PIWIL1: variants seen among roughly 807,000 people sequenced by gnomAD.
PIWIL1 encodes piwi-like protein 1.
In PIWIL1, 73 loss-of-function variants were observed where a neutral mutation model predicts 114.4. The ratio of observed to expected loss-of-function variants is 0.64; its 90% CI spans 0.53 to 0.78. The LOEUF is 0.78. Among genes scored for constraint, PIWIL1 ranks in the 30% least tolerant of loss-of-function variants. PIWIL1 has a pLI of 0.00. For missense variants in PIWIL1, 723 were observed against 1,063.1 expected (o/e 0.68, Z 4.45); for synonymous variants, 375 against 369.0 (o/e 1.02, Z -0.19).
At chr12:130,374,437 A>T (rs1195080141), downstream of PIWIL1, among the ~76,000 whole-genome samples, 3 of 152,248 alleles carry the variant, frequency 2.0e-5, no homozygotes, top group Admixed American at 6.5e-5. Context: ...CTACCCAATG[A>T]TTTTAAAAAT....
chr12:130,354,864 T>C (rs372705871), intron 10 of PIWIL1, 24 bp from the exon 11 acceptor site: 7 of 1,504,892 alleles, frequency 4.7e-6, no homozygotes, highest in Non-Finnish European at 6.5e-6. Context: ...TTTAACCATA[T>C]GCCTTTAAAT....
the PIWIL1 span, among the ~76,000 whole-genome samples, chr12:130,409,508 AATTTTTTTGT>A: frequency 1.3e-5 from 2 of 151,706 alleles, no homozygotes; most frequent in East Asian, 3.9e-4. Context: ...ACGCCCGGCT[AATTTTTTTGT>A]ATTTTTTTGT....
chr12:130,395,880 T>C, the PIWIL1 span, among the ~76,000 whole-genome samples: 1 of 152,198 alleles, frequency 6.6e-6, no homozygotes, highest in Non-Finnish European at 1.5e-5. Context: ...AATTTGTGTT[T>C]GAATTCATCC....
At chr12:130,385,218 C>T in the PIWIL1 span, among the ~76,000 whole-genome samples, 3 of 152,324 alleles carry the variant, frequency 2.0e-5, no homozygotes, top group East Asian at 5.8e-4. Flanking sequence ...GTCCACAGTG[C>T]TGCAGATTTA....
chr12:130,345,551 G>A (rs2073047059), intron 3 of PIWIL1: 1 of 525,344 alleles, frequency 1.9e-6, no homozygotes, highest in African/African-American at 1.9e-5. Context: ...CAGTGACAAG[G>A]CCTTTATGAA....
At chr12:130,412,802 G>A in the PIWIL1 span, 16 of 1,602,926 alleles carry the variant, frequency 1.0e-5, no homozygotes, top group South Asian at 1.7e-4. Context: ...AGCCAAGGGG[G>A]AAAATAAATC....
At chr12:130,398,174 A>G in the PIWIL1 span, 1 of 152,416 alleles carries the variant, frequency 6.6e-6, no homozygotes, top group Non-Finnish European at 1.5e-5. Flanking sequence ...TAGTATTTAA[A>G]TATACGTTAA....
At chr12:130,386,389 C>T in the PIWIL1 span, among the ~76,000 whole-genome samples, 1 of 151,906 alleles carries the variant, frequency 6.6e-6, no homozygotes, top group Non-Finnish European at 1.5e-5. Flanking sequence ...CAATAGCCAC[C>T]GTTCACCCAT....
At chr12:130,345,464 C>T in intron 3 of PIWIL1, 2 of 287,768 alleles carry the variant, frequency 7.0e-6, no homozygotes, top group Non-Finnish European at 1.3e-5. Flanking sequence ...TGCACTCTTG[C>T]ACCACAGTCC....
the PIWIL1 span, among the ~76,000 whole-genome samples, chr12:130,394,311 A>T: frequency 6.6e-6 from 1 of 152,242 alleles, no homozygotes; most frequent in South Asian, 2.1e-4. Context: ...GCCAGCTGGC[A>T]GCACAAGGGC....
At chr12:130,408,665 G>C in the PIWIL1 span, among the ~76,000 whole-genome samples, 2 of 152,202 alleles carry the variant, frequency 1.3e-5, no homozygotes, top group African/African-American at 2.4e-5. Context: ...GCCCAATCAC[G>C]AAACCCCTGT....
chr12:130,364,607 A>G (rs371396657), intron 18 of PIWIL1, among the ~76,000 whole-genome samples: 1 of 152,202 alleles, frequency 6.6e-6, no homozygotes, highest in East Asian at 1.9e-4. Flanking sequence ...GTTCTTTCCT[A>G]TTCCCTTAAG....
the PIWIL1 span, among the ~76,000 whole-genome samples, chr12:130,392,527 A>G: frequency 8.7e-4 from 8 of 9,176 alleles, 1 homozygote; most frequent in Non-Finnish European, 1.6e-3. Context: ...AATATTGAAT[A>G]TTGTGATGAC....
At chr12:130,346,626 C>T in intron 5 of PIWIL1, 42 bp downstream of exon 5, 1 of 1,466,264 alleles carries the variant, frequency 6.8e-7, no homozygotes, top group Non-Finnish European at 9.5e-7. Flanking sequence ...CACTTCAAAG[C>T]AGAACTACCA....
the PIWIL1 span, among the ~76,000 whole-genome samples, chr12:130,395,698 G>A: frequency 1.3e-5 from 2 of 152,196 alleles, no homozygotes; most frequent in Non-Finnish European, 2.9e-5. Context: ...TGCCGTAAGT[G>A]TGTTGGTTTT....
chr12:130,364,574 A>G (rs1388898104), intron 18 of PIWIL1, among the ~76,000 whole-genome samples: 1 of 152,216 alleles, frequency 6.6e-6, no homozygotes, highest in East Asian at 1.9e-4. Context: ...GCATTTTTTA[A>G]TATTTTGGAA....
At chr12:130,353,173 G>A (rs2073260497) in intron 9 of PIWIL1, among the ~76,000 whole-genome samples, 1 of 152,088 alleles carries the variant, frequency 6.6e-6, no homozygotes, top group Admixed American at 6.5e-5. Flanking sequence ...TTGTTCTTCT[G>A]GTGTGCTCAG....
Position 130,343,101 on chromosome 12 carries a change from G to A in PIWIL1, c.190G>A (p.Gly64Arg). The A allele has an allele frequency of 6.2e-7, 1 of 1,606,588 alleles. No homozygotes were observed. The highest frequency in any genetic ancestry group is 8.5e-7 in the Non-Finnish European group (1 of 1,175,498). Residue 64 changes from glycine to arginine, a missense_variant and splice_region_variant, in exon 3 of 21, where the codon GGA (glycine) becomes AGA (arginine). Transcript: ENST00000245255. Reference protein sequence around the residue: ...GTAGGTAKSQGLQISAGFQEL... With the variant: ...GTAGGTAKSQRLQISAGFQEL... ...AGCAGGAGGAACAGCCAAGTCACAA[G>A]GTGAAGAGAAAGTAAAAGGAAGTCT...
chr12:130,346,012 G>A, intron 4 of PIWIL1, 134 bp downstream of exon 4: 2 of 845,888 alleles, frequency 2.4e-6, no homozygotes, highest in South Asian at 4.0e-5. Context: ...CTTTCTTTTG[G>A]CGTTGATGAA....
Sources: gnomAD v4.1 joint callset for allele counts (sites outside exome capture counted in the v4.1 genomes callset) on GRCh38, gnomAD v4.1.1 for gene constraint, MANE v1.5 for transcripts, NCBI Gene and HGNC (gene_info 2026-07-23, HGNC 2026-07-21) for gene names.